The following ITIH2 variants were observed in gnomAD, a reference collection of about 807,000 sequenced individuals.
ITIH2 encodes the protein inter-alpha-trypsin inhibitor heavy chain H2.
ITIH2 carries 103 observed loss-of-function variants against 104.4 expected under a neutral mutation model. That is an observed-to-expected ratio of 0.99 (90% CI 0.84 to 1.16). The LOEUF (loss-of-function observed/expected upper bound fraction) is 1.16. Among genes scored for constraint, ITIH2 ranks in the 50% most tolerant of loss-of-function variants. The pLI, the probability that ITIH2 is intolerant of heterozygous loss-of-function variation, is 0.00. For synonymous variants in ITIH2, 436 were observed against 435.4 expected (o/e 1.00, Z -0.02); for missense variants, 1,108 against 1,162.4 (o/e 0.95, Z 0.68).
intron 20 of ITIH2, among the ~76,000 whole-genome samples, chr10:7,748,690 C>T (rs1027256040): frequency 2.6e-5 from 4 of 151,040 alleles, no homozygotes; most frequent in African/African-American, 7.3e-5. Context: ...TACAGGCGTA[C>T]ACCACCATGC....
Position 7,703,430 on chromosome 10 carries a change from G to A in ITIH2, c.-5G>A, listed in dbSNP as rs1322618440. On this transcript the variant is annotated 5_prime_UTR_variant, in exon 1 of 21. Transcript: ENST00000358415. ...TTGGGGAGCTTGGCAAAACTGTCCA[G>A]CAAAATGAAAAGACTCACGTGCTTT... 6.2e-7 allele frequency: 1 copy of A among 1,612,196 alleles called. No homozygotes were observed. The highest frequency in any genetic ancestry group is 8.5e-7 in the Non-Finnish European group (1 of 1,178,360).
chr10:7,727,222 C>T (rs975931654), intron 10 of ITIH2, 104 bp downstream of exon 10: 22 of 896,362 alleles, frequency 2.5e-5, no homozygotes, highest in South Asian at 9.1e-5. Context: ...CCCCAGCATT[C>T]GAGGGCCTAT....
chr10:7,742,171 T>A (rs1474177442), intron 16 of ITIH2, among the ~76,000 whole-genome samples: 1 of 151,998 alleles, frequency 6.6e-6, no homozygotes, highest in East Asian at 2.0e-4. Flanking sequence ...ATTGCCAAAT[T>A]TAGTGATTGC....
At chr10:7,738,827 A>T in intron 16 of ITIH2, 69 bp downstream of exon 16, 1 of 1,481,084 alleles carries the variant, frequency 6.8e-7, no homozygotes, top group Non-Finnish European at 9.0e-7. Context: ...CATTGTGTGC[A>T]TGAGGCCAGG....
intron 15 of ITIH2, among the ~76,000 whole-genome samples, chr10:7,737,152 C>T (rs965257316): frequency 6.6e-6 from 1 of 151,224 alleles, no homozygotes; most frequent in Non-Finnish European, 1.5e-5. Context: ...AAGAACTGGC[C>T]TTCTGCTTGT....
In ITIH2 at chr10:7,703,943, G is replaced by A. The variant is rs182559598; in HGVS notation, c.84+425G>A. Among the ~76,000 whole-genome samples the A allele has an allele frequency of 5.4e-4, 82 of 152,318 alleles. No individual in the cohort carries two copies. The East Asian group carries it at 0.01, about 19-fold the overall frequency. ...AAATATTATCACTCTTTTACTAAGA[G>A]TATAAGAAAAGTCATTATCAAAGCA... On this transcript the variant is annotated intron_variant, in intron 1 of 20. Coordinates refer to ENST00000358415, the MANE Select transcript of ITIH2 (RefSeq NM_002216.3).
At chr10:7,716,219 G>A (rs1481828204) in intron 5 of ITIH2, among the ~76,000 whole-genome samples, 1 of 152,004 alleles carries the variant, frequency 6.6e-6, no homozygotes, top group Admixed American at 6.6e-5. Context: ...GACCTCAAGT[G>A]ACCCACCCAC....
chr10:7,705,214 A>T (rs762946782), intron 2 of ITIH2, 32 bp downstream of exon 2: 1 of 1,393,284 alleles, frequency 7.2e-7, no homozygotes, highest in African/African-American at 1.4e-5. Flanking sequence ...AAAGGGGGAA[A>T]AAAAGTGAAA....
intron 4 of ITIH2, among the ~76,000 whole-genome samples, chr10:7,711,470 C>A (rs545795820): frequency 6.6e-6 from 1 of 152,254 alleles, no homozygotes; most frequent in African/African-American, 2.4e-5. Flanking sequence ...CTGTGTAGAC[C>A]TATGTACTAG....
chr10:7,723,171 G>A (rs1426857828), intron 8 of ITIH2, among the ~76,000 whole-genome samples: 1 of 151,908 alleles, frequency 6.6e-6, no homozygotes, highest in Non-Finnish European at 1.5e-5. Context: ...GGTGTGACGT[G>A]GAGTGGAGTG....
At position 7,721,085 on chromosome 10, in the gene ITIH2, G is replaced by A. The variant is rs529676087; in HGVS notation, c.738+122G>A. 97 of 667,804 alleles carry A rather than the reference G, an allele frequency of 1.5e-4. 5 individuals carry two copies. The South Asian group carries it at 1.6e-3, about 11-fold the overall frequency. The allele number at this position is 667,804 out of a possible 1,614,324, so 41.4% of individuals were successfully genotyped here. A position where few individuals can be genotyped will look rare whatever the true frequency, so the allele number is the denominator to read the frequency against. On this transcript the variant is annotated intron_variant, in intron 7 of 20. Coordinates refer to ENST00000358415, the MANE Select transcript of ITIH2 (RefSeq NM_002216.3). ...GTGTTGAGGACACTGTTGAAGAAAT[G>A]GGGATCCCCAAGTAGAGCCTAGGGC...
chr10:7,724,693 G>A (rs555403294), intron 9 of ITIH2, among the ~76,000 whole-genome samples: 47 of 151,994 alleles, frequency 3.1e-4, no homozygotes, highest in African/African-American at 1.1e-3. Flanking sequence ...TCAGCAGTGG[G>A]ACTATTGATA....
chr10:7,739,197 A>T (rs1835101224), intron 16 of ITIH2, among the ~76,000 whole-genome samples: 1 of 152,146 alleles, frequency 6.6e-6, no homozygotes, highest in South Asian at 2.1e-4. Context: ...GGGAAATGGG[A>T]GGGAGAGCGT....
At chr10:7,721,037 C>T in intron 7 of ITIH2, 74 bp downstream of exon 7, 1 of 961,170 alleles carries the variant, frequency 1.0e-6, no homozygotes, top group Non-Finnish European at 1.7e-6. Flanking sequence ...CTTCTGTGCT[C>T]TGGAGAAGAG....
chr10:7,722,607 T>G (rs1158510936), intron 8 of ITIH2, among the ~76,000 whole-genome samples: 1 of 152,090 alleles, frequency 6.6e-6, no homozygotes, highest in East Asian at 1.9e-4. Flanking sequence ...ATATGCCATG[T>G]TTTCTCATCT....
intron 20 of ITIH2, among the ~76,000 whole-genome samples, chr10:7,748,240 A>C (rs1835198591): frequency 1.2e-5 from 1 of 86,456 alleles, no homozygotes; most frequent in African/African-American, 3.7e-5. Flanking sequence ...AAATAAATAT[A>C]TGTATACATA....
At chr10:7,705,286 GT>G in intron 2 of ITIH2, 104 bp downstream of exon 2, 1 of 831,568 alleles carries the variant, frequency 1.2e-6, no homozygotes, top group Non-Finnish European at 2.0e-6. Flanking sequence ...TTAAGAGTTT[GT>G]TTTTTAGCAC....
At chr10:7,744,346 A>T (rs1242094494) in intron 18 of ITIH2, 66 bp downstream of exon 18, 1 of 1,260,572 alleles carries the variant, frequency 7.9e-7, no homozygotes, top group Non-Finnish European at 1.1e-6. Flanking sequence ...AAATCCAGGC[A>T]TCAGTGACAT....
intron 15 of ITIH2, among the ~76,000 whole-genome samples, chr10:7,736,617 T>C (rs1835058307): frequency 6.6e-6 from 1 of 152,194 alleles, no homozygotes; most frequent in Non-Finnish European, 1.5e-5. Context: ...ATATTACTAC[T>C]AGTAGCCAAG....
Sources: gnomAD v4.1 joint callset for allele counts (sites outside exome capture counted in the v4.1 genomes callset) on GRCh38, gnomAD v4.1.1 for gene constraint, MANE v1.5 for transcripts, NCBI Gene and HGNC (gene_info 2026-07-23, HGNC 2026-07-21) for gene names.